The following NEK1 variants were observed in gnomAD, a reference collection of about 807,000 sequenced individuals.
The protein encoded by NEK1 is serine/threonine-protein kinase Nek1.
Under a neutral mutation model 182.1 loss-of-function variants are expected in NEK1, and 137 were observed. That is an observed-to-expected ratio of 0.75 (90% confidence interval 0.65 to 0.87). The LOEUF is 0.87. Ranked by LOEUF, NEK1 falls within the 40% of genes least tolerant of loss-of-function variation. NEK1 has a pLI of 0.00. For missense variants in NEK1, 1,391 were observed against 1,494.4 expected (o/e 0.93, Z 1.14); for synonymous variants, 513 against 492.2 (o/e 1.04, Z -0.56).
intron 23 of NEK1, among the ~76,000 whole-genome samples, chr4:169,494,982 G>A (rs1409062527): frequency 6.6e-6 from 1 of 152,130 alleles, no homozygotes; most frequent in Non-Finnish European, 1.5e-5. Flanking sequence ...TGTAGATTCT[G>A]GATATTAGGC....
In NEK1 at chr4:169,556,373, T is replaced by C. The variant is rs10022807; in HGVS notation, c.1267-278A>G. On this transcript the variant is annotated intron_variant, in intron 16 of 35. Coordinates refer to ENST00000507142, the MANE Select transcript of NEK1 (RefSeq NM_001199397.3). ...TTCATGTAAATATGGAAAAATTTGA[T>C]CTTAATTAACAGGTTTTGAAACAAG... 0.089 allele frequency among the ~76,000 whole-genome samples: 13,514 copies of C among 152,148 alleles called. 786 individuals are homozygous for C. Among genetic ancestry groups the C allele is most frequent in the African/African-American group, 0.16 (6,750 of 41,486 alleles).
At chr4:169,574,079 G>A (rs1765300234) in intron 12 of NEK1, among the ~76,000 whole-genome samples, 1 of 152,114 alleles carries the variant, frequency 6.6e-6, no homozygotes, top group African/African-American at 2.4e-5. Flanking sequence ...GATTGCTTGA[G>A]CTCAGGAAGT....
chr4:169,563,889 G>A (rs904568736), intron 12 of NEK1, among the ~76,000 whole-genome samples: 1 of 152,100 alleles, frequency 6.6e-6, no homozygotes. Flanking sequence ...TACAGTAACT[G>A]GTTTTCTACT....
intron 19 of NEK1, among the ~76,000 whole-genome samples, chr4:169,536,139 A>G (rs1430421974): frequency 2.0e-5 from 3 of 151,876 alleles, no homozygotes; most frequent in Non-Finnish European, 4.4e-5. Context: ...TACTAAAAAA[A>G]TACAAAACTT....
intron 31 of NEK1, among the ~76,000 whole-genome samples, chr4:169,420,123 A>G (rs1165819659): frequency 6.6e-6 from 1 of 152,208 alleles, no homozygotes; most frequent in Non-Finnish European, 1.5e-5. Context: ...CACTTTATAA[A>G]CTTGAAGACA....
intron 31 of NEK1, among the ~76,000 whole-genome samples, chr4:169,420,132 C>T (rs1735232987): frequency 1.3e-5 from 2 of 152,172 alleles, no homozygotes; most frequent in African/African-American, 4.8e-5. Flanking sequence ...AACTTGAAGA[C>T]ACAAACACAC....
intron 12 of NEK1, among the ~76,000 whole-genome samples, chr4:169,569,861 G>A (rs1283010370): frequency 2.6e-5 from 4 of 152,292 alleles, no homozygotes; most frequent in East Asian, 1.9e-4. Flanking sequence ...CCTCCCAGCC[G>A]CCTGCCTTGG....
At chr4:169,582,728 C>T (rs1021941623) in intron 10 of NEK1, among the ~76,000 whole-genome samples, 14 of 152,064 alleles carry the variant, frequency 9.2e-5, no homozygotes, top group Admixed American at 8.5e-4. Context: ...GTTATGTTTT[C>T]CAATAGAGTA....
chr4:169,486,114 C>CA (rs1278255015), intron 23 of NEK1, among the ~76,000 whole-genome samples: 8 of 148,494 alleles, frequency 5.4e-5, no homozygotes, highest in East Asian at 1.9e-4. Context: ...TAAAAATGTG[C>CA]AAAAAAAAAG....
intron 26 of NEK1, among the ~76,000 whole-genome samples, chr4:169,464,653 T>C (rs911317855): frequency 2.6e-5 from 4 of 151,088 alleles, no homozygotes; most frequent in Non-Finnish European, 4.4e-5. Context: ...TGTGAAAAAA[T>C]AGAAAAAACT....
intron 25 of NEK1, 39 bp from the exon 26 acceptor site, chr4:169,477,391 A>G: frequency 6.4e-7 from 1 of 1,562,688 alleles, no homozygotes. Flanking sequence ...TATGTATATC[A>G]TTAAGTAAAA....
In NEK1 at chr4:169,580,825, T is replaced by C; in HGVS notation, c.868+17A>G. 1 of 1,461,390 alleles carries C rather than the reference T, an allele frequency of 6.8e-7. No homozygotes were observed. The highest frequency in any genetic ancestry group is 9.4e-7 in the Non-Finnish European group (1 of 1,066,878). The allele number at this position is 1,461,390 out of a possible 1,614,324, so 90.5% of individuals were successfully genotyped here. On this transcript the variant is annotated intron_variant, in intron 11 of 35. Transcript: ENST00000507142. ...TATTGCAAACAGATGAAAGGCTTCA[T>C]ATCAGATTTCATTTACCTGGTATAG... is the stretch of plus-strand genomic sequence containing the variant.
Position 169,602,049 on chromosome 4 carries a change from A to G in NEK1, c.173T>C (p.Met58Thr). 4 of 1,613,470 alleles carry G rather than the reference A, an allele frequency of 2.5e-6. No individual in the cohort carries two copies. The highest frequency in any genetic ancestry group is 3.4e-6 in the Non-Finnish European group (4 of 1,179,546). ...SRREVAVLAN[M>T]KHPNIVQYRE... ...ATACTGGACAATATTTGGATGCTTC[A>G]TGTTTGCCAATACTGCAACTTCTCT... Residue 58 changes from methionine (M) to threonine (T), a missense_variant, in exon 4 of 36, where the codon ATG becomes ACG. Met to Thr is a moderately conservative substitution (Grantham distance 81). This residue lies in a region of NEK1 where 3 missense variants were observed against 20.0 expected (regional missense o/e 0.15). Transcript: ENST00000507142.
Position 169,542,880 on chromosome 4 carries a change from G to C in NEK1, c.1563-4969C>G, listed in dbSNP as rs566771770. ...AAATTTAAGTTATTTGTAGATTCTGGATATTAGCCCTTTGTCAGATGAATA... is the reference window on the plus strand; with the variant it reads ...AAATTTAAGTTATTTGTAGATTCTGCATATTAGCCCTTTGTCAGATGAATA... On this transcript the variant is annotated intron_variant, in intron 18 of 35. Coordinates refer to ENST00000507142, the MANE Select transcript of NEK1 (RefSeq NM_001199397.3). Among the ~76,000 whole-genome samples, 4 of 151,984 alleles carry C rather than the reference G, an allele frequency of 2.6e-5. No homozygotes were observed. The East Asian group carries it at 5.8e-4, about 22-fold the overall frequency.
chr4:169,600,722 T>C (rs1489652242), intron 4 of NEK1, among the ~76,000 whole-genome samples: 1 of 152,206 alleles, frequency 6.6e-6, no homozygotes, highest in Non-Finnish European at 1.5e-5. Flanking sequence ...TATAATTCAC[T>C]ATTTATATGT....
intron 10 of NEK1, among the ~76,000 whole-genome samples, chr4:169,582,883 T>C (rs1766899369): frequency 6.6e-6 from 1 of 152,118 alleles, no homozygotes; most frequent in African/African-American, 2.4e-5. Flanking sequence ...ATAGAACATT[T>C]TCATCATCAC....
chr4:169,483,306 G>T (rs1748434209), intron 23 of NEK1, among the ~76,000 whole-genome samples: 1 of 152,036 alleles, frequency 6.6e-6, no homozygotes, highest in African/African-American at 2.4e-5. Context: ...AAGATATAAT[G>T]ACAATAATGA....
Position 169,552,678 on chromosome 4 carries a change from T to C in NEK1, c.1562+3042A>G, listed in dbSNP as rs117425210. 4.0e-3 allele frequency among the ~76,000 whole-genome samples: 616 copies of C among 152,186 alleles called. 10 individuals carry two copies. In the East Asian group the frequency reaches 0.048, roughly 12 times the overall value. The stretch of plus-strand genomic sequence containing the variant: ...TCTTTGTTTGCAGATGACATGATTG[T>C]CTATGTAGAAAATTCAAAAGAAACA... On this transcript the variant is annotated intron_variant, in intron 18 of 35. Coordinates refer to ENST00000507142, the MANE Select transcript of NEK1 (RefSeq NM_001199397.3).
At chr4:169,552,396 C>A (rs1249390851) in intron 18 of NEK1, among the ~76,000 whole-genome samples, 1 of 150,794 alleles carries the variant, frequency 6.6e-6, no homozygotes, top group Non-Finnish European at 1.5e-5. Flanking sequence ...AAATCCAGCA[C>A]CCATTTCTGA....
Sources: gnomAD v4.1 joint callset for allele counts (sites outside exome capture counted in the v4.1 genomes callset) on GRCh38, gnomAD v4.1.1 for gene constraint, gnomAD v4.1.1 regional missense constraint, MANE v1.5 for transcripts, NCBI Gene and HGNC (gene_info 2026-07-23, HGNC 2026-07-21) for gene names.